Variants in TNRC6B observed in about 807,000 individuals in gnomAD.
TNRC6B encodes the protein trinucleotide repeat-containing gene 6B protein.
TNRC6B carries 52 observed loss-of-function variants against 203.6 expected under a neutral mutation model. That is an observed-to-expected ratio of 0.26 (90% CI 0.20 to 0.32). The LOEUF is 0.32. TNRC6B is among the 10% of genes least tolerant of loss of function. The pLI is 1.00. For missense variants in TNRC6B, 1,923 were observed against 2,286.2 expected (o/e 0.84, Z 3.24); for synonymous variants, 838 against 845.7 (o/e 0.99, Z 0.16).
At chr22:40,145,176 G>A (rs937265695) in intron 3 of TNRC6B, among the ~76,000 whole-genome samples, 5 of 151,956 alleles carry the variant, frequency 3.3e-5, no homozygotes, top group Non-Finnish European at 4.4e-5. Flanking sequence ...AATTCGGGAT[G>A]TCAAGGCTTC....
intron 12 of TNRC6B, among the ~76,000 whole-genome samples, chr22:40,299,162 A>AC (rs1601502939): frequency 1.3e-5 from 2 of 151,320 alleles, no homozygotes; most frequent in Admixed American, 6.6e-5. Flanking sequence ...AAAAAACAAA[A>AC]AAAAAAAAAA....
At position 40,329,031 on chromosome 22, in the gene TNRC6B, A is replaced by G. The variant is rs901667210; in HGVS notation, c.*5790A>G. 2 of 150,476 alleles carry G rather than the reference A, an allele frequency of 1.3e-5. No homozygotes were observed. The highest frequency in any genetic ancestry group is 3.0e-5 in the Non-Finnish European group (2 of 67,640). The allele number at this position is 150,476 out of a possible 1,614,324, so 9.3% of individuals were successfully genotyped here. A position where few individuals can be genotyped will look rare whatever the true frequency, so the allele number is the denominator to read the frequency against. ...CTTAGTGTTACTGCAAAAAAAAAAA[A>G]CAAAAACAAAACAAAAAAAAGCCTT... On this transcript the variant is annotated 3_prime_UTR_variant, in exon 23 of 23. Coordinates refer to ENST00000454349, the MANE Select transcript of TNRC6B (RefSeq NM_001162501.2).
At chr22:40,183,894 G>A (rs1228084707) in intron 1 of TNRC6B, among the ~76,000 whole-genome samples, 2 of 151,848 alleles carry the variant, frequency 1.3e-5, no homozygotes, top group African/African-American at 4.8e-5. Flanking sequence ...ACAGTGTTTC[G>A]GCATGTTGGC....
At chr22:40,241,964 A>G (rs1234365863) in intron 1 of TNRC6B, among the ~76,000 whole-genome samples, 1 of 152,198 alleles carries the variant, frequency 6.6e-6, no homozygotes, top group Admixed American at 6.5e-5. Flanking sequence ...GGATCCCATC[A>G]TTCTTTGAGC....
At chr22:40,261,307 A>G (rs1601929339) in intron 3 of TNRC6B, among the ~76,000 whole-genome samples, 1 of 152,076 alleles carries the variant, frequency 6.6e-6, no homozygotes, top group East Asian at 1.9e-4. Flanking sequence ...GGCTGGGTGC[A>G]GTGGCTCATG....
At chr22:40,051,637 A>G (rs138184539) in intron 1 of TNRC6B, among the ~76,000 whole-genome samples, 1 of 152,284 alleles carries the variant, frequency 6.6e-6, no homozygotes, top group East Asian at 1.9e-4. Flanking sequence ...AAAGCCTTCA[A>G]TGGTGTTTCA....
intron 2 of TNRC6B, among the ~76,000 whole-genome samples, chr22:40,124,321 CTTTT>C (rs545893898): frequency 2.2e-5 from 3 of 134,050 alleles, no homozygotes. Flanking sequence ...ATCTTTTTAC[CTTTT>C]TTTTTTTTTT....
intron 3 of TNRC6B, among the ~76,000 whole-genome samples, chr22:40,259,293 C>T (rs1233726285): frequency 1.3e-5 from 2 of 151,914 alleles, no homozygotes; most frequent in East Asian, 3.9e-4. Context: ...GGCACGATCT[C>T]GGCTCACTGC....
upstream of TNRC6B, among the ~76,000 whole-genome samples, chr22:40,173,904 A>C (rs2069030838): frequency 1.4e-5 from 2 of 144,796 alleles, no homozygotes; most frequent in South Asian, 4.3e-4. Flanking sequence ...CCCAGGTTCA[A>C]GTAATTGTCC....
intron 4 of TNRC6B, among the ~76,000 whole-genome samples, chr22:40,160,206 G>A (rs2068859388): frequency 6.6e-6 from 1 of 152,104 alleles, no homozygotes; most frequent in Non-Finnish European, 1.5e-5. Flanking sequence ...GCCAGGCGCG[G>A]TGACTCACGC....
At chr22:40,215,044 A>G (rs1367025055) in intron 1 of TNRC6B, among the ~76,000 whole-genome samples, 2 of 152,180 alleles carry the variant, frequency 1.3e-5, no homozygotes, top group African/African-American at 2.4e-5. Context: ...ACACCTTACT[A>G]AAGAATACTT....
intron 1 of TNRC6B, among the ~76,000 whole-genome samples, chr22:40,183,970 C>T (rs1325291402): frequency 6.6e-6 from 1 of 152,206 alleles, no homozygotes; most frequent in Non-Finnish European, 1.5e-5. Context: ...TCTGGGATTA[C>T]AGGCATGAGC....
chr22:40,289,048 A>G (rs1230320390), intron 12 of TNRC6B, among the ~76,000 whole-genome samples: 3 of 147,894 alleles, frequency 2.0e-5, no homozygotes, highest in Non-Finnish European at 4.5e-5. Context: ...TCTTGACCTC[A>G]AGTGATCCAC....
At chr22:40,203,865 G>A (rs548876406) in intron 1 of TNRC6B, among the ~76,000 whole-genome samples, 2 of 152,342 alleles carry the variant, frequency 1.3e-5, no homozygotes, top group African/African-American at 2.4e-5. Flanking sequence ...CAGAGAGGGA[G>A]GAGGGTGTCC....
At chr22:40,091,443 G>A (rs966458915) in intron 1 of TNRC6B, among the ~76,000 whole-genome samples, 4 of 151,192 alleles carry the variant, frequency 2.6e-5, no homozygotes, top group African/African-American at 9.8e-5. Context: ...GAAGCTCTGG[G>A]GTCTTCAACA....
At chr22:40,182,197 A>G (rs1345115067) in intron 1 of TNRC6B, among the ~76,000 whole-genome samples, 3 of 152,038 alleles carry the variant, frequency 2.0e-5, no homozygotes, top group African/African-American at 7.2e-5. Flanking sequence ...GTGAGCCGAG[A>G]TTGTGCCACT....
In TNRC6B at chr22:40,163,397, CAA is replaced by C. The variant is rs1032013873; in HGVS notation, c.113+7237_113+7238del. On this transcript the variant is annotated intron_variant, in intron 4 of 23. Transcript: ENST00000301923. The stretch of plus-strand genomic sequence containing the variant: ...TGGGTGACAGAACAAGACCCTGTCT[CAA>C]AAAAAAAAAAAAAAAAAAAAAGTAA... 1.5e-3 allele frequency among the ~76,000 whole-genome samples: 30 copies of C among 20,084 alleles called. No individual in the cohort carries two copies. The East Asian group carries it at 0.037, about 25-fold the overall frequency. The allele number at this position is 20,084 out of a possible 152,430, so 13.2% of individuals were successfully genotyped here.
intron 12 of TNRC6B, among the ~76,000 whole-genome samples, chr22:40,298,732 C>T (rs962354047): frequency 6.7e-6 from 1 of 150,286 alleles, no homozygotes; most frequent in Admixed American, 6.6e-5. Context: ...TTTGGGAGGC[C>T]GAGGCGGGCG....
chr22:40,286,227 T>G lies in TNRC6B; in HGVS notation c.3708+457T>G, dbSNP rs2070778689. Among the ~76,000 whole-genome samples, 3 of 152,258 alleles carry G rather than the reference T, an allele frequency of 2.0e-5. No individual in the cohort carries two copies. The South Asian group carries it at 6.2e-4, about 32-fold the overall frequency. ...TGGCTCATGCCTGTAATCCCAGCAC[T>G]TTGGGAGGCCAAGGTGCTTGAGGCC... is the stretch of plus-strand genomic sequence containing the variant. On this transcript the variant is annotated intron_variant, in intron 12 of 22. Coordinates refer to ENST00000454349, the MANE Select transcript of TNRC6B (RefSeq NM_001162501.2).
Sources: allele counts gnomAD v4.1 joint callset (sites outside exome capture counted in the v4.1 genomes callset), GRCh38; gene constraint gnomAD v4.1.1; transcripts MANE v1.5; gene names NCBI Gene and HGNC (gene_info 2026-07-23, HGNC 2026-07-21).